The following USP50 variants were observed in gnomAD, a reference collection of about 807,000 sequenced individuals.
USP50 encodes ubiquitin specific peptidase 50.
In USP50, 37 loss-of-function variants were observed where a neutral mutation model predicts 39.2. The ratio of observed to expected loss-of-function variants is 0.94; its 90% CI spans 0.73 to 1.24. The LOEUF is 1.24. Among genes scored for constraint, USP50 ranks in the 50% most tolerant of loss-of-function variants. The pLI, the probability that USP50 is intolerant of heterozygous loss-of-function variation, is 0.00. For synonymous variants in USP50, 139 were observed against 144.5 expected, an observed-to-expected ratio of 0.96 and a Z score of 0.27; for missense variants, 374 against 398.2, an observed-to-expected ratio of 0.94 and a Z score of 0.52.
At position 50,520,400 on chromosome 15, in the gene USP50, C is replaced by A. The variant is rs558676932; in HGVS notation, c.936+9397G>T. Among the ~76,000 whole-genome samples, 61 of 151,630 alleles carry A rather than the reference C, an allele frequency of 4.0e-4. No individual in the cohort carries two copies. The Middle Eastern group carries it at 0.01, about 25-fold the overall frequency. Reference sequence around the variant, plus strand: ...ACTTTAGCCTCGACCTTTCTGGGCTCAAGTGATCCTCCCACCTCAGCCTCC... The same window carrying A: ...ACTTTAGCCTCGACCTTTCTGGGCTAAAGTGATCCTCCCACCTCAGCCTCC... On this transcript the variant is annotated intron_variant, in intron 6 of 6. Coordinates refer to ENST00000532404, the MANE Select transcript of USP50 (RefSeq NM_203494.5).
At chr15:50,543,899 A>C in intron 2 of USP50, 106 bp from the exon 3 acceptor site, 178 of 1,138,560 alleles carry the variant, frequency 1.6e-4, no homozygotes, top group Middle Eastern at 2.3e-4. Flanking sequence ...GTGGTGTCTC[A>C]TGCCTGTAAC....
chr15:50,541,348 C>A, intron 3 of USP50, 84 bp from the exon 4 acceptor site: 70 of 1,120,300 alleles, frequency 6.2e-5, no homozygotes, highest in South Asian at 2.7e-4. Context: ...CCCATCTCTA[C>A]AAAAAAAACA....
chr15:50,538,680 T>C, intron 5 of USP50, 29 bp downstream of exon 5: 3 of 1,544,026 alleles, frequency 1.9e-6, no homozygotes, highest in Middle Eastern at 1.7e-4. Context: ...TTCGAAAATA[T>C]GTGCCCACAA....
chr15:50,493,933 A>G, downstream of USP50: 2 of 1,024,294 alleles, frequency 2.0e-6, no homozygotes, highest in Non-Finnish European at 3.0e-6. Context: ...TCTGGTGGTG[A>G]GCCTGCAAAT....
At position 50,546,540 on chromosome 15, in the gene USP50, G is replaced by C. The variant is rs1372382333; in HGVS notation, c.-15C>G. 11 of 1,613,288 alleles carry C rather than the reference G, an allele frequency of 6.8e-6. No individual in the cohort carries two copies. Among genetic ancestry groups the C allele is most frequent in the Non-Finnish European group, 8.5e-6 (10 of 1,179,340 alleles). On this transcript the variant is annotated 5_prime_UTR_variant, in exon 1 of 7. Transcript: ENST00000532404. ...TGAGAAGTCATTTTAATGGAACCAC[G>C]TTGGACTTTTGCTTCTATTCAGGAG... is the stretch of plus-strand genomic sequence containing the variant.
intron 6 of USP50, among the ~76,000 whole-genome samples, chr15:50,523,557 A>G (rs2052867336): frequency 6.6e-6 from 1 of 152,190 alleles, no homozygotes; most frequent in Non-Finnish European, 1.5e-5. Flanking sequence ...AAAAACAACA[A>G]AAACTACTTA....
At chr15:50,541,911 C>T (rs1011531977) in intron 3 of USP50, among the ~76,000 whole-genome samples, 1 of 151,872 alleles carries the variant, frequency 6.6e-6, no homozygotes, top group Non-Finnish European at 1.5e-5. Context: ...CTAGAAAACA[C>T]TTTTTTAAAA....
At chr15:50,493,982 A>C (rs2052277764), downstream of USP50, 10 of 1,427,852 alleles carry the variant, frequency 7.0e-6, no homozygotes. Flanking sequence ...TATGTGAATA[A>C]TTTCATGTTG....
Position 50,546,608 on chromosome 15 carries a change from C to A in USP50, c.-83G>T. On this transcript the variant is annotated 5_prime_UTR_variant, in exon 1 of 7. Coordinates refer to ENST00000532404, the MANE Select transcript of USP50 (RefSeq NM_203494.5). The stretch of plus-strand genomic sequence containing the variant: ...AACTTCATTTCTCTGAGCCTGTTAA[C>A]GCTGGCTTTTTGTTTTAAACAATTG... The A allele has an allele frequency of 6.6e-7, 1 of 1,516,366 alleles. No individual in the cohort carries two copies. Among genetic ancestry groups the A allele is most frequent in the Non-Finnish European group, 9.1e-7 (1 of 1,093,926 alleles). The allele number at this position is 1,516,366 out of a possible 1,614,324, so 93.9% of individuals were successfully genotyped here. A position where few individuals can be genotyped will look rare whatever the true frequency, so the allele number is the denominator to read the frequency against.
chr15:50,538,776 T>C lies in USP50; in HGVS notation c.736A>G (p.Lys246Glu), dbSNP rs377080024. The C allele has an allele frequency of 4.8e-5, 78 of 1,613,692 alleles. No individual in the cohort carries two copies. Among genetic ancestry groups the C allele is most frequent in the Middle Eastern group, 3.3e-4 (2 of 6,084 alleles). ...NEIHCSFCET[K>E]QETAVRASIS... Reference sequence around the variant, plus strand: ...CTGGCCCTCACAGCAGTTTCTTGCTTGGTTTCACAAAAGGAGCAGTGAATT... The same window carrying C: ...CTGGCCCTCACAGCAGTTTCTTGCTCGGTTTCACAAAAGGAGCAGTGAATT... Residue 246 changes from lysine (K) to glutamate (E), a missense_variant, in exon 5 of 7, where the codon AAG (lysine) becomes GAG (glutamate). Physicochemically the swap from Lys to Glu is moderately conservative, Grantham distance 56. Coordinates refer to ENST00000532404, the MANE Select transcript of USP50 (RefSeq NM_203494.5).
At chr15:50,497,058 C>T (rs778373800), downstream of USP50, 8 of 1,574,962 alleles carry the variant, frequency 5.1e-6, no homozygotes, top group East Asian at 4.6e-5. Flanking sequence ...ATCGAATTAA[C>T]GAGTATCTGC....
intron 1 of USP50, among the ~76,000 whole-genome samples, chr15:50,495,359 T>G (rs12903031): frequency 0.21 from 21,914 of 104,564 alleles, 2,572 homozygotes; most frequent in Middle Eastern, 0.35. Flanking sequence ...TATACATATA[T>G]AGAGAGAGAG....
chr15:50,497,383 G>T (rs2052458127), downstream of USP50: 1 of 890,398 alleles, frequency 1.1e-6, no homozygotes, highest in African/African-American at 1.7e-5. Flanking sequence ...AAGCAGAAAT[G>T]AGACTGTTAG....
chr15:50,527,079 A>G (rs1026667839), intron 6 of USP50, among the ~76,000 whole-genome samples: 9 of 152,250 alleles, frequency 5.9e-5, no homozygotes, highest in African/African-American at 2.2e-4. Flanking sequence ...AGGATGGTGC[A>G]GGGATATCCT....
chr15:50,525,214 A>G (rs956784664), intron 6 of USP50, among the ~76,000 whole-genome samples: 4 of 152,178 alleles, frequency 2.6e-5, no homozygotes, highest in Non-Finnish European at 2.9e-5. Flanking sequence ...TGTGGAATCT[A>G]TTGAACTCAC....
chr15:50,513,031 A>G (rs1174460674), intron 6 of USP50: 8 of 152,246 alleles, frequency 5.3e-5, no homozygotes, highest in Admixed American at 5.2e-4. Flanking sequence ...TTTGTAAAAA[A>G]TGTGCAAAAG....
chr15:50,544,828 A>G (rs781574773), intron 1 of USP50, 47 bp from the exon 2 acceptor site: 2 of 1,541,958 alleles, frequency 1.3e-6, no homozygotes, highest in Non-Finnish European at 1.8e-6. Context: ...AGAACAAAAT[A>G]TGTACAAATG....
intron 6 of USP50, chr15:50,502,794 A>T (rs2052610198): frequency 6.6e-6 from 1 of 152,360 alleles, no homozygotes; most frequent in Non-Finnish European, 1.5e-5. Context: ...CACCATGTCC[A>T]GAATGAAAAT....
At chr15:50,529,513 G>A (rs2141370787) in intron 6 of USP50, among the ~76,000 whole-genome samples, 1 of 152,242 alleles carries the variant, frequency 6.6e-6, no homozygotes, top group East Asian at 1.9e-4. Flanking sequence ...TAAGCTGTTG[G>A]AACCAACTTC....
Sources: gnomAD v4.1 joint callset for allele counts (sites outside exome capture counted in the v4.1 genomes callset) on GRCh38, gnomAD v4.1.1 for gene constraint, MANE v1.5 for transcripts, NCBI Gene and HGNC (gene_info 2026-07-23, HGNC 2026-07-21) for gene names.